STS: variants seen among roughly 807,000 people sequenced by gnomAD.
STS encodes the protein steryl-sulfatase.
Under a neutral mutation model 26.8 loss-of-function variants are expected in STS, and 7 were observed. The ratio of observed to expected loss-of-function variants is 0.26; its 90% CI spans 0.15 to 0.49. The LOEUF (loss-of-function observed/expected upper bound fraction) is 0.49, where lower values mean the gene tolerates loss of function less well. Among genes scored for constraint, STS ranks in the 20% least tolerant of loss-of-function variants. The pLI is 0.98. For synonymous variants in STS, 199 were observed against 189.4 expected (o/e 1.05, Z -0.42); for missense variants, 434 against 465.6 (o/e 0.93, Z 0.63).
intron 1 of STS, among the ~76,000 whole-genome samples, chrX:7,188,463 C>G (rs1324828271): frequency 8.9e-6 from 1 of 112,188 alleles, no homozygotes; most frequent in Non-Finnish European, 1.9e-5. Context: ...CTACATATCA[C>G]CTTCTGTTCC....
chrX:7,175,493 C>CAACAAAACAAAACAA (rs200425206), intron 1 of STS, among the ~76,000 whole-genome samples: 5 of 104,203 alleles, frequency 4.8e-5, no homozygotes, highest in East Asian at 6.1e-4. Context: ...GACCTGGTCT[C>CAACAAAACAAAACAA]AACAAAACAA....
intron 8 of STS, 131 bp from the exon 9 acceptor site, chrX:7,325,208 T>C (rs1005149522): frequency 1.5e-4 from 95 of 652,224 alleles, no homozygotes; most frequent in Non-Finnish European, 2.2e-4. Flanking sequence ...GCTCATGGAA[T>C]ACTCATAGAT....
chrX:7,203,048 G>A (rs1226030303), intron 2 of STS, among the ~76,000 whole-genome samples: 3 of 110,167 alleles, frequency 2.7e-5, no homozygotes, highest in Non-Finnish European at 5.7e-5. Context: ...CTCCTTGCCT[G>A]TGTCTCTGTT....
intron 8 of STS, among the ~76,000 whole-genome samples, chrX:7,318,929 T>A (rs17268974): frequency 0.2 from 21,866 of 110,835 alleles, 1,795 homozygotes; most frequent in East Asian, 0.4. Flanking sequence ...GAATCTGGAA[T>A]CTCTGGCAGG....
intron 2 of STS, among the ~76,000 whole-genome samples, chrX:7,228,031 T>C (rs771054843): frequency 1.2e-4 from 14 of 112,467 alleles, no homozygotes; most frequent in African/African-American, 3.9e-4. Context: ...ATCCATGCTG[T>C]TGCATATTGT....
At chrX:7,323,148 A>C (rs1321199210) in intron 8 of STS, among the ~76,000 whole-genome samples, 2 of 112,015 alleles carry the variant, frequency 1.8e-5, no homozygotes, top group Non-Finnish European at 3.8e-5. Flanking sequence ...TATTTTCTCA[A>C]GTGCAAAGGG....
intron 2 of STS, among the ~76,000 whole-genome samples, chrX:7,228,411 A>G (rs1921912729): frequency 8.9e-6 from 1 of 111,910 alleles, no homozygotes; most frequent in African/African-American, 3.2e-5. Flanking sequence ...TTTTAAGAGC[A>G]GCTGTTCTGA....
chrX:7,226,783 A>G (rs1365673989), intron 2 of STS, among the ~76,000 whole-genome samples: 2 of 64,996 alleles, frequency 3.1e-5, no homozygotes, highest in Non-Finnish European at 5.8e-5. Context: ...AGTCCTAACT[A>G]CTTGGGAGGC....
intron 8 of STS, among the ~76,000 whole-genome samples, chrX:7,305,405 G>A (rs974360851): frequency 1.8e-5 from 2 of 112,364 alleles, no homozygotes; most frequent in Non-Finnish European, 3.8e-5. Context: ...ATGAGAGTAT[G>A]TATCTCCAAA....
chrX:7,173,424 A>G (rs1933506496), intron 1 of STS, among the ~76,000 whole-genome samples: 1 of 111,821 alleles, frequency 8.9e-6, no homozygotes, highest in Admixed American at 9.5e-5. Flanking sequence ...TCTTTATAAT[A>G]GAGTGATTTA....
chrX:7,252,613 G>A (rs768946942), intron 2 of STS, among the ~76,000 whole-genome samples: 2 of 111,784 alleles, frequency 1.8e-5, no homozygotes, highest in African/African-American at 6.5e-5. Flanking sequence ...GCTGGAACAC[G>A]TACACAGACC....
intron 7 of STS, among the ~76,000 whole-genome samples, chrX:7,287,353 A>G (rs1325412173): frequency 8.9e-6 from 1 of 111,828 alleles, no homozygotes; most frequent in Non-Finnish European, 1.9e-5. Context: ...AAAACCGAAG[A>G]ATATAGACAC....
intron 1 of STS, among the ~76,000 whole-genome samples, chrX:7,175,024 C>T (rs1379716220): frequency 9.0e-6 from 1 of 110,748 alleles, no homozygotes; most frequent in Non-Finnish European, 1.9e-5. Flanking sequence ...TTGTCAAACC[C>T]AGTCAATACC....
intron 1 of STS, among the ~76,000 whole-genome samples, chrX:7,153,301 C>G (rs1933057170): frequency 9.4e-6 from 1 of 106,299 alleles, no homozygotes; most frequent in Non-Finnish European, 1.9e-5. Flanking sequence ...GACTCCTTCC[C>G]TCTCTCCTTC....
intron 1 of STS, among the ~76,000 whole-genome samples, chrX:7,169,147 C>A (rs145944319): frequency 1.8e-5 from 2 of 110,719 alleles, no homozygotes; most frequent in Non-Finnish European, 3.8e-5. Flanking sequence ...TCCTCCCATA[C>A]CCCCACCCCT....
At chrX:7,271,871 G>A (rs1924288673) in intron 6 of STS, among the ~76,000 whole-genome samples, 1 of 109,454 alleles carries the variant, frequency 9.1e-6, no homozygotes, top group Admixed American at 9.8e-5. Flanking sequence ...CCAATAACTT[G>A]TTAGATTTGA....
chrX:7,151,316 TGGAGGG>T (rs1168083408), intron 1 of STS, among the ~76,000 whole-genome samples: 1 of 111,732 alleles, frequency 8.9e-6, no homozygotes, highest in Non-Finnish European at 1.9e-5. Context: ...CCAGCGTAGA[TGGAGGG>T]TAACAGGTTG....
intron 2 of STS, among the ~76,000 whole-genome samples, chrX:7,194,522 G>C (rs1933935821): frequency 1.8e-5 from 2 of 110,841 alleles, no homozygotes; most frequent in Non-Finnish European, 3.8e-5. Context: ...CTAACCTTGG[G>C]GCCGTTCATT....
intron 9 of STS, among the ~76,000 whole-genome samples, chrX:7,329,973 A>G (rs1300189929): frequency 4.5e-5 from 5 of 111,587 alleles, no homozygotes; most frequent in Non-Finnish European, 9.4e-5. Context: ...CTCTAATTCA[A>G]CCCTATGATG....
Sources: gnomAD v4.1 joint callset for allele counts (sites outside exome capture counted in the v4.1 genomes callset) on GRCh38, gnomAD v4.1.1 for gene constraint, MANE v1.5 for transcripts, NCBI Gene and HGNC (gene_info 2026-07-23, HGNC 2026-07-21) for gene names.